FRMD4A: variants seen among roughly 807,000 people sequenced by gnomAD.
FRMD4A encodes FERM domain containing 4A.
A neutral mutation model predicts 129.1 loss-of-function variants in FRMD4A; 29 were observed. The observed-to-expected ratio is 0.22, with a 90% CI of 0.17 to 0.31. The LOEUF (loss-of-function observed/expected upper bound fraction) is 0.31. Ranked by LOEUF, FRMD4A falls within the 10% of genes least tolerant of loss-of-function variation. FRMD4A has a pLI of 1.00. For synonymous variants in FRMD4A, 634 were observed against 571.6 expected (o/e 1.11, Z -1.56); for missense variants, 1,272 against 1,375.8 (o/e 0.92, Z 1.19).
intron 2 of FRMD4A, among the ~76,000 whole-genome samples, chr10:13,860,535 T>C (rs961415807): frequency 5.3e-5 from 8 of 152,202 alleles, no homozygotes; most frequent in Non-Finnish European, 1.0e-4. Context: ...GCCTATTTTA[T>C]ATGACTGTAT....
rs1423384528 is a variant in FRMD4A, at chr10:13,694,034, T to G, written c.981A>C (p.Lys327Asn). The change falls in exon 15 of 25, where the codon AAA (lysine) becomes AAC (asparagine). Residue 327 changes from lysine (K) to asparagine (N), a missense_variant. By Grantham distance (94) the Lys-to-Asn change is moderately conservative. This residue lies in a region of FRMD4A where 300 missense variants were observed against 483.6 expected (regional missense o/e 0.62). Transcript: ENST00000357447. ...FYLDRKQSKS[K>N]IHAARSLSEI... is the part of the protein sequence containing the mutation. ...CACTCAGGCTGCGTGCTGCATGGAT[T>G]TTGGACTGGAATGGAAAGGGAAGCA... The G allele has an allele frequency of 6.6e-7, 1 of 1,509,260 alleles. No homozygotes were observed. The highest frequency in any genetic ancestry group is 1.4e-5 in the African/African-American group (1 of 71,170). The allele number at this position is 1,509,260 out of a possible 1,614,324, so 93.5% of individuals were successfully genotyped here.
At chr10:14,253,678 G>A (rs1200798066) in intron 2 of FRMD4A, among the ~76,000 whole-genome samples, 1 of 152,214 alleles carries the variant, frequency 6.6e-6, no homozygotes, top group Non-Finnish European at 1.5e-5. Context: ...CTTCACTGGA[G>A]TGTGGCAGTG....
intron 2 of FRMD4A, among the ~76,000 whole-genome samples, chr10:14,280,745 G>T (rs2132060061): frequency 6.6e-6 from 1 of 152,224 alleles, no homozygotes. Context: ...AAACTCTTGT[G>T]CTTCCTTTAA....
At chr10:14,154,763 G>C (rs1460099893) in intron 2 of FRMD4A, among the ~76,000 whole-genome samples, 1 of 152,206 alleles carries the variant, frequency 6.6e-6, no homozygotes, top group Non-Finnish European at 1.5e-5. Context: ...GCTGGGTTAG[G>C]AGTCAATTCT....
chr10:13,857,877 G>C (rs956665279), intron 3 of FRMD4A, among the ~76,000 whole-genome samples: 3 of 152,210 alleles, frequency 2.0e-5, no homozygotes, highest in African/African-American at 7.2e-5. Context: ...CCATTCTTTA[G>C]AGCTTTGGGT....
chr10:14,186,931 G>A (rs1260524125), intron 2 of FRMD4A, among the ~76,000 whole-genome samples: 2 of 151,148 alleles, frequency 1.3e-5, no homozygotes, highest in African/African-American at 4.9e-5. Flanking sequence ...GACCAGCCTG[G>A]GCAACATACT....
chr10:13,936,757 C>A (rs749254225), intron 2 of FRMD4A, among the ~76,000 whole-genome samples: 17 of 152,182 alleles, frequency 1.1e-4, no homozygotes, highest in Non-Finnish European at 2.2e-4. Context: ...AGATGAAGAC[C>A]CTCTTCCTTG....
chr10:14,108,679 A>T (rs2131788710), intron 2 of FRMD4A, among the ~76,000 whole-genome samples: 1 of 152,340 alleles, frequency 6.6e-6, no homozygotes, highest in African/African-American at 2.4e-5. Context: ...GAACACACTT[A>T]AAGGCTGGGT....
At chr10:13,809,676 C>G (rs748653953) in intron 4 of FRMD4A, among the ~76,000 whole-genome samples, 2 of 152,194 alleles carry the variant, frequency 1.3e-5, no homozygotes, top group Non-Finnish European at 2.9e-5. Context: ...CCACCTTGCT[C>G]CTCCCAGCTT....
At chr10:13,658,317 G>A (rs922568564) in intron 21 of FRMD4A, among the ~76,000 whole-genome samples, 1 of 152,106 alleles carries the variant, frequency 6.6e-6, no homozygotes, top group South Asian at 2.1e-4. Flanking sequence ...TGGCAAATGA[G>A]ATAATTAAAC....
chr10:14,235,815 C>T (rs909666756), intron 2 of FRMD4A, among the ~76,000 whole-genome samples: 2 of 152,192 alleles, frequency 1.3e-5, no homozygotes, highest in East Asian at 3.8e-4. Context: ...CATAATTAGG[C>T]TTGACCTGCC....
At chr10:13,919,180 C>T (rs1160153675) in intron 2 of FRMD4A, among the ~76,000 whole-genome samples, 4 of 152,134 alleles carry the variant, frequency 2.6e-5, no homozygotes, top group Non-Finnish European at 5.9e-5. Flanking sequence ...AAAAAAGTCT[C>T]TTAGCAGAAA....
intron 15 of FRMD4A, among the ~76,000 whole-genome samples, chr10:13,685,883 C>T (rs1445005911): frequency 6.6e-6 from 1 of 152,128 alleles, no homozygotes; most frequent in African/African-American, 2.4e-5. Context: ...TGGGCAAATG[C>T]TCCTTTATTA....
At chr10:14,227,897 C>T (rs1044386316) in intron 2 of FRMD4A, among the ~76,000 whole-genome samples, 15 of 151,740 alleles carry the variant, frequency 9.9e-5, no homozygotes, top group Admixed American at 5.9e-4. Context: ...TTTCTTTTAA[C>T]GGAGTCTTGC....
intron 17 of FRMD4A, 125 bp from the exon 18 acceptor site, chr10:13,666,450 C>G (rs1296637003): frequency 1.4e-5 from 9 of 660,296 alleles, no homozygotes; most frequent in Non-Finnish European, 2.4e-5. Context: ...TAGCCCCACT[C>G]CTAAAATCTG....
intron 8 of FRMD4A, among the ~76,000 whole-genome samples, chr10:13,749,746 G>A (rs527541152): frequency 6.6e-6 from 1 of 152,094 alleles, no homozygotes; most frequent in South Asian, 2.1e-4. Flanking sequence ...CCCAGCATCT[G>A]GGGAGGCCGA....
At chr10:14,224,165 A>G (rs1304945204) in intron 2 of FRMD4A, among the ~76,000 whole-genome samples, 1 of 151,682 alleles carries the variant, frequency 6.6e-6, no homozygotes, top group Non-Finnish European at 1.5e-5. Context: ...CTGCCAAAAG[A>G]AAAAAAAAGT....
chr10:13,909,671 C>T (rs2094921266), intron 2 of FRMD4A, among the ~76,000 whole-genome samples: 1 of 152,084 alleles, frequency 6.6e-6, no homozygotes, highest in South Asian at 2.1e-4. Context: ...AGAAATTGCC[C>T]AAACTTAACA....
intron 2 of FRMD4A, among the ~76,000 whole-genome samples, chr10:14,185,592 G>C (rs868673531): frequency 2.0e-5 from 3 of 149,544 alleles, no homozygotes; most frequent in Admixed American, 1.3e-4. Flanking sequence ...GTAAGAAAGA[G>C]AAACAGGTAG....
Sources: gnomAD v4.1 joint callset for allele counts (sites outside exome capture counted in the v4.1 genomes callset) on GRCh38, gnomAD v4.1.1 for gene constraint, gnomAD v4.1.1 regional missense constraint, MANE v1.5 for transcripts, NCBI Gene and HGNC (gene_info 2026-07-23, HGNC 2026-07-21) for gene names.